The following TENM4 variants were observed in gnomAD, a reference collection of about 807,000 sequenced individuals.
TENM4 encodes teneurin-4.
TENM4 carries 82 observed loss-of-function variants against 243.3 expected under a neutral mutation model. The observed-to-expected ratio is 0.34, with a 90% CI of 0.28 to 0.40. The LOEUF (loss-of-function observed/expected upper bound fraction) is 0.40, where lower values mean the gene tolerates loss of function less well. TENM4 is among the 10% of genes least tolerant of loss of function. The probability of loss-of-function intolerance (pLI) is 1.00; values close to 1 mark genes in which losing one functional copy is unlikely to be tolerated. For missense variants in TENM4, 3,138 were observed against 3,673.3 expected (o/e 0.85, Z 3.77); for synonymous variants, 1,412 against 1,456.3 (o/e 0.97, Z 0.69).
At chr11:78,741,535 A>G (rs1246779683) in intron 19 of TENM4, among the ~76,000 whole-genome samples, 3 of 152,242 alleles carry the variant, frequency 2.0e-5, no homozygotes, top group African/African-American at 4.8e-5. Flanking sequence ...AACATGGCAA[A>G]ATAATTAGAA....
intron 3 of TENM4, among the ~76,000 whole-genome samples, chr11:79,159,090 T>C (rs1224179721): frequency 6.6e-6 from 1 of 152,154 alleles, no homozygotes. Context: ...CTGTTCCTCT[T>C]CTGTGGTGGT....
chr11:78,663,916 CT>C (rs1383167468), intron 32 of TENM4, among the ~76,000 whole-genome samples: 1 of 152,168 alleles, frequency 6.6e-6, no homozygotes, highest in Non-Finnish European at 1.5e-5. Context: ...CTGGGGCCCC[CT>C]CTCCCGAGTG....
chr11:79,419,322 C>T (rs1291337593), intron 1 of TENM4, among the ~76,000 whole-genome samples: 1 of 152,198 alleles, frequency 6.6e-6, no homozygotes, highest in Non-Finnish European at 1.5e-5. Context: ...TGCTTATAAA[C>T]CACCAGAGCA....
In TENM4 at chr11:78,712,638, G is replaced by A. The variant is rs1026919229; in HGVS notation, c.3898C>T (p.Arg1300Trp). The A allele has an allele frequency of 1.9e-5, 31 of 1,613,962 alleles. No homozygotes were observed. The highest frequency in any genetic ancestry group is 2.3e-5 in the Non-Finnish European group (27 of 1,179,892). Residue 1300 changes from arginine (R) to tryptophan (W), a missense_variant, in exon 26 of 34, where the codon CGG becomes TGG. Transcript: ENST00000278550. Reference protein sequence around the residue: ...GAVFLSDSNSRRVFKIKSTVV... With the variant: ...GAVFLSDSNSWRVFKIKSTVV... ...GTGGACTTGATTTTAAAGACCCGCCGGCTGTTGCTGTCAGAAAGGAAGACG... is the reference window on the plus strand; with the variant it reads ...GTGGACTTGATTTTAAAGACCCGCCAGCTGTTGCTGTCAGAAAGGAAGACG...
rs192866444 is a variant in TENM4, at chr11:78,720,457, T to C, written c.3801-67A>G. On this transcript the variant is annotated intron_variant, in intron 24 of 33. Transcript: ENST00000278550. ...GGTGTTAGCAGCAGGGTTAGAAGCA[T>C]TATTAGCAGCCTGAAAACTTGACAG... The C allele has an allele frequency of 2.8e-5, 42 of 1,522,462 alleles. No individual in the cohort carries two copies. The African/African-American group carries it at 4.6e-4, about 17-fold the overall frequency. The allele number at this position is 1,522,462 out of a possible 1,614,324, so 94.3% of individuals were successfully genotyped here.
At chr11:78,897,656 A>T (rs1855828072) in intron 7 of TENM4, among the ~76,000 whole-genome samples, 1 of 152,156 alleles carries the variant, frequency 6.6e-6, no homozygotes, top group Non-Finnish European at 1.5e-5. Flanking sequence ...CTCCCTCAAA[A>T]GACGGTGAGC....
At chr11:79,120,442 T>C (rs1035633623) in intron 4 of TENM4, among the ~76,000 whole-genome samples, 2 of 152,232 alleles carry the variant, frequency 1.3e-5, no homozygotes, top group Non-Finnish European at 2.9e-5. Flanking sequence ...GTGCCCACCA[T>C]GGGCATGAAC....
At chr11:78,822,683 T>C (rs1183298724) in intron 12 of TENM4, among the ~76,000 whole-genome samples, 4 of 152,064 alleles carry the variant, frequency 2.6e-5, no homozygotes, top group Admixed American at 2.0e-4. Context: ...CGTTTACCTA[T>C]GTAACAAACC....
intron 3 of TENM4, among the ~76,000 whole-genome samples, chr11:79,200,491 CAGGA>C (rs1471915521): frequency 6.6e-6 from 1 of 152,214 alleles, no homozygotes; most frequent in Non-Finnish European, 1.5e-5. Flanking sequence ...AAACTTGGCC[CAGGA>C]AGGGCAAGGG....
intron 6 of TENM4, among the ~76,000 whole-genome samples, chr11:78,952,449 G>A (rs1289427656): frequency 1.3e-5 from 2 of 152,208 alleles, no homozygotes; most frequent in African/African-American, 4.8e-5. Flanking sequence ...GGTAACAGCT[G>A]GAACAACGTG....
intron 15 of TENM4, among the ~76,000 whole-genome samples, chr11:78,797,264 G>A (rs1408623547): frequency 1.3e-5 from 2 of 152,208 alleles, no homozygotes; most frequent in Non-Finnish European, 2.9e-5. Context: ...AGAGGTTAAT[G>A]TATTTGCTGT....
At chr11:79,144,188 G>A (rs1285094050) in intron 4 of TENM4, among the ~76,000 whole-genome samples, 1 of 151,974 alleles carries the variant, frequency 6.6e-6, no homozygotes, top group Non-Finnish European at 1.5e-5. Context: ...ATGGCAAACA[G>A]GTAGATGAAA....
chr11:79,135,716 TG>T (rs1862094949), intron 4 of TENM4, among the ~76,000 whole-genome samples: 1 of 129,724 alleles, frequency 7.7e-6, no homozygotes. Context: ...CATACATATA[TG>T]ATCATACATA....
At chr11:79,031,579 C>A (rs1859238369) in intron 6 of TENM4, among the ~76,000 whole-genome samples, 1 of 152,164 alleles carries the variant, frequency 6.6e-6, no homozygotes, top group Non-Finnish European at 1.5e-5. Flanking sequence ...ATGCAACAGG[C>A]ATGCAGCAGA....
chr11:78,944,353 A>C (rs1856968401), intron 6 of TENM4, among the ~76,000 whole-genome samples: 1 of 152,168 alleles, frequency 6.6e-6, no homozygotes, highest in Admixed American at 6.5e-5. Context: ...AATGATGAAG[A>C]TCATTTTCCC....
chr11:79,370,944 T>C (rs933192140), intron 1 of TENM4, among the ~76,000 whole-genome samples: 4 of 152,152 alleles, frequency 2.6e-5, no homozygotes, highest in African/African-American at 9.7e-5. Context: ...CTCCTTCCAA[T>C]TGACAAGAAA....
intron 13 of TENM4, among the ~76,000 whole-genome samples, chr11:78,812,569 T>G (rs1182600466): frequency 6.6e-6 from 1 of 152,208 alleles, no homozygotes; most frequent in Non-Finnish European, 1.5e-5. Flanking sequence ...ATCCCCTTCA[T>G]GTTGCTGATG....
intron 6 of TENM4, among the ~76,000 whole-genome samples, chr11:78,967,974 G>A (rs1185597189): frequency 2.6e-5 from 4 of 152,246 alleles, no homozygotes; most frequent in Non-Finnish European, 5.9e-5. Flanking sequence ...AATGTGATCC[G>A]CAGTGTTGGA....
intron 6 of TENM4, among the ~76,000 whole-genome samples, chr11:78,982,034 C>A (rs1308625021): frequency 6.6e-6 from 1 of 152,122 alleles, no homozygotes. Flanking sequence ...GAAGCCTGAT[C>A]AGTTTGGTTG....
Sources: gnomAD v4.1 joint callset for allele counts (sites outside exome capture counted in the v4.1 genomes callset) on GRCh38, gnomAD v4.1.1 for gene constraint, MANE v1.5 for transcripts, NCBI Gene and HGNC (gene_info 2026-07-23, HGNC 2026-07-21) for gene names.